The following CNTNAP2 variants were observed in gnomAD, a reference collection of about 807,000 sequenced individuals.
The protein encoded by CNTNAP2 is contactin-associated protein-like 2.
Under a neutral mutation model 155.2 loss-of-function variants are expected in CNTNAP2, and 98 were observed. That is an observed-to-expected ratio of 0.63 (90% CI 0.54 to 0.75). CNTNAP2 has a LOEUF of 0.75. CNTNAP2 is among the 30% of genes least tolerant of loss of function. The pLI, the probability that CNTNAP2 is intolerant of heterozygous loss-of-function variation, is 0.00. For synonymous variants in CNTNAP2, 651 were observed against 631.2 expected (o/e 1.03, Z -0.47); for missense variants, 1,727 against 1,688.1 (o/e 1.02, Z -0.40).
intron 13 of CNTNAP2, among the ~76,000 whole-genome samples, chr7:147,694,099 T>C (rs1334571609): frequency 6.6e-6 from 1 of 152,082 alleles, no homozygotes; most frequent in Admixed American, 6.5e-5. Flanking sequence ...TTTTTCTTTA[T>C]CTCTTGATAT....
intron 1 of CNTNAP2, among the ~76,000 whole-genome samples, chr7:146,542,439 T>G (rs1797966496): frequency 6.6e-6 from 1 of 151,942 alleles, no homozygotes; most frequent in African/African-American, 2.4e-5. Flanking sequence ...AATAAACTAA[T>G]CTGGCAGAAA....
At chr7:147,825,928 C>T (rs867577109) in intron 13 of CNTNAP2, among the ~76,000 whole-genome samples, 7 of 152,040 alleles carry the variant, frequency 4.6e-5, no homozygotes, top group Admixed American at 1.3e-4. Context: ...AGTTTTTGCA[C>T]GAAACCTTAA....
chr7:147,636,807 A>C (rs995007343), intron 12 of CNTNAP2, among the ~76,000 whole-genome samples: 2 of 152,198 alleles, frequency 1.3e-5, no homozygotes, highest in Admixed American at 1.3e-4. Flanking sequence ...CTTTAAAAAA[A>C]TAAAATGTGT....
chr7:147,102,612 T>G (rs755967790), intron 4 of CNTNAP2, among the ~76,000 whole-genome samples: 1 of 152,168 alleles, frequency 6.6e-6, no homozygotes, highest in African/African-American at 2.4e-5. Context: ...GCCTTGAGGT[T>G]TTTTGTTTTG....
intron 21 of CNTNAP2, among the ~76,000 whole-genome samples, chr7:148,294,039 C>CAAAAAA (rs10607772): frequency 1.4e-5 from 1 of 70,042 alleles, no homozygotes; most frequent in Admixed American, 2.1e-4. Context: ...GGCTCCATCT[C>CAAAAAA]AAAAAAAAAA....
chr7:146,979,953 G>T (rs1410288698), intron 3 of CNTNAP2, among the ~76,000 whole-genome samples: 1 of 152,132 alleles, frequency 6.6e-6, no homozygotes, highest in African/African-American at 2.4e-5. Flanking sequence ...GTGTGGCTTT[G>T]ACATTACTTT....
chr7:146,134,123 C>G (rs1051615994), intron 1 of CNTNAP2, among the ~76,000 whole-genome samples: 2 of 151,038 alleles, frequency 1.3e-5, no homozygotes, highest in African/African-American at 4.9e-5. Flanking sequence ...TTGAAGAGGT[C>G]CTTCACATCC....
Position 148,360,563 on chromosome 7 carries a change from AAAAC to A in CNTNAP2, c.3476-23085_3476-23082del, listed in dbSNP as rs1798600478. On this transcript the variant is annotated intron_variant, in intron 21 of 23. Transcript: ENST00000361727. ...TTAAACTCAAAAGTAAACACTTTTA[AAAAC>A]TTAAAAGTGTAAGATTTTAAAGTGG... Among the ~76,000 whole-genome samples, 4 of 145,032 alleles carry A rather than the reference AAAAC, an allele frequency of 2.8e-5. No individual in the cohort carries two copies. In the South Asian group the frequency reaches 8.3e-4, roughly 30 times the overall value.
chr7:147,979,400 G>A (rs1357990365), intron 15 of CNTNAP2, among the ~76,000 whole-genome samples: 2 of 152,124 alleles, frequency 1.3e-5, no homozygotes, highest in Non-Finnish European at 2.9e-5. Flanking sequence ...ATACAGTGTT[G>A]CTCTAAAATT....
intron 1 of CNTNAP2, among the ~76,000 whole-genome samples, chr7:146,394,940 A>G (rs1319795534): frequency 6.6e-6 from 1 of 152,108 alleles, no homozygotes; most frequent in African/African-American, 2.4e-5. Context: ...ACTCTCGATG[A>G]TCATGTGTAC....
At chr7:146,644,387 G>T (rs1232988058) in intron 1 of CNTNAP2, among the ~76,000 whole-genome samples, 2 of 152,068 alleles carry the variant, frequency 1.3e-5, no homozygotes, top group Non-Finnish European at 2.9e-5. Context: ...TTTGTCAAAG[G>T]CCTGTTCTGC....
chr7:146,424,454 G>A (rs760363674), intron 1 of CNTNAP2, among the ~76,000 whole-genome samples: 4 of 152,254 alleles, frequency 2.6e-5, no homozygotes, highest in Non-Finnish European at 5.9e-5. Flanking sequence ...CAACGTGTAC[G>A]AAATGTCTAC....
chr7:148,295,593 C>G (rs113210541), intron 21 of CNTNAP2, among the ~76,000 whole-genome samples: 25,080 of 110,444 alleles, frequency 0.23, 4,104 homozygotes, highest in African/African-American at 0.35. Flanking sequence ...CCGGGTTCAC[C>G]CCATTCTCCT....
chr7:147,503,075 T>G (rs1798848003), intron 11 of CNTNAP2, among the ~76,000 whole-genome samples: 1 of 152,140 alleles, frequency 6.6e-6, no homozygotes, highest in South Asian at 2.1e-4. Flanking sequence ...CAACAGAAAT[T>G]TATTCTCTCA....
intron 13 of CNTNAP2, among the ~76,000 whole-genome samples, chr7:147,703,223 G>C (rs1796262613): frequency 1.3e-5 from 2 of 151,908 alleles, no homozygotes; most frequent in Non-Finnish European, 2.9e-5. Context: ...ACTCTAATTA[G>C]AACACTGCAA....
At chr7:146,778,545 A>G (rs1329035559) in intron 2 of CNTNAP2, among the ~76,000 whole-genome samples, 3 of 152,146 alleles carry the variant, frequency 2.0e-5, no homozygotes, top group African/African-American at 7.2e-5. Context: ...TTTTTAATCC[A>G]TCGAAGGCTT....
chr7:146,666,187 C>CT (rs1800191767), intron 1 of CNTNAP2, among the ~76,000 whole-genome samples: 1 of 151,988 alleles, frequency 6.6e-6, no homozygotes, highest in Admixed American at 6.6e-5. Context: ...TTCTATTATA[C>CT]TTTTTACTTT....
intron 14 of CNTNAP2, among the ~76,000 whole-genome samples, chr7:147,933,906 G>A (rs1432452770): frequency 1.3e-5 from 2 of 152,052 alleles, no homozygotes; most frequent in Non-Finnish European, 2.9e-5. Flanking sequence ...CCTGCCATAA[G>A]TGACAATATA....
intron 1 of CNTNAP2, among the ~76,000 whole-genome samples, chr7:146,528,634 A>T (rs1488727461): frequency 5.3e-5 from 8 of 152,226 alleles, no homozygotes; most frequent in African/African-American, 1.9e-4. Context: ...TCAAAGCCTT[A>T]GAAAGCTATG....
Sources: gnomAD v4.1 joint callset for allele counts (sites outside exome capture counted in the v4.1 genomes callset) on GRCh38, gnomAD v4.1.1 for gene constraint, MANE v1.5 for transcripts, NCBI Gene and HGNC (gene_info 2026-07-23, HGNC 2026-07-21) for gene names.